Variants in CFAP70 observed in about 807,000 individuals in gnomAD.
The protein encoded by CFAP70 is cilia- and flagella-associated protein 70.
CFAP70 carries 81 observed loss-of-function variants against 137.6 expected under a neutral mutation model. That is an observed-to-expected ratio of 0.59 (90% CI 0.49 to 0.71). The LOEUF (loss-of-function observed/expected upper bound fraction) is 0.71, where lower values mean the gene tolerates loss of function less well. Ranked by LOEUF, CFAP70 falls within the 30% of genes least tolerant of loss-of-function variation. The pLI is 0.00. For missense variants in CFAP70, 976 were observed against 1,226.7 expected (o/e 0.80, Z 3.05); for synonymous variants, 382 against 423.6 (o/e 0.90, Z 1.20).
intron 12 of CFAP70, among the ~76,000 whole-genome samples, chr10:73,304,500 T>C (rs1000026344): frequency 2.6e-5 from 4 of 152,232 alleles, no homozygotes; most frequent in Admixed American, 6.5e-5. Context: ...TTAATAATTA[T>C]GTGTAAAAAT....
At chr10:73,325,453 A>G (rs1429423590) in intron 8 of CFAP70, among the ~76,000 whole-genome samples, 2 of 152,222 alleles carry the variant, frequency 1.3e-5, no homozygotes, top group Non-Finnish European at 2.9e-5. Context: ...ACCAGCTAAC[A>G]TCATAATGAC....
intron 9 of CFAP70, among the ~76,000 whole-genome samples, chr10:73,313,181 G>A (rs984524760): frequency 1.3e-5 from 2 of 151,612 alleles, no homozygotes; most frequent in African/African-American, 4.8e-5. Context: ...GATTATCCTG[G>A]CTAACACGGT....
At chr10:73,258,148 T>C (rs1164883683) in intron 25 of CFAP70, among the ~76,000 whole-genome samples, 1 of 152,234 alleles carries the variant, frequency 6.6e-6, no homozygotes, top group African/African-American at 2.4e-5. Context: ...AAAGTGGTTA[T>C]GCCAATTTAC....
At chr10:73,272,137 C>T (rs1465873721) in intron 24 of CFAP70, among the ~76,000 whole-genome samples, 1 of 152,118 alleles carries the variant, frequency 6.6e-6, no homozygotes, top group African/African-American at 2.4e-5. Flanking sequence ...GAGTTCAAAA[C>T]CAGCCTGGTC....
At chr10:73,326,069 T>C (rs1209605493) in intron 8 of CFAP70, among the ~76,000 whole-genome samples, 2 of 151,876 alleles carry the variant, frequency 1.3e-5, no homozygotes, top group Admixed American at 1.3e-4. Context: ...TATTCCAAAA[T>C]TGACCACATA....
chr10:73,334,119 G>A (rs1335924188), intron 7 of CFAP70, among the ~76,000 whole-genome samples: 2 of 152,078 alleles, frequency 1.3e-5, no homozygotes, highest in Non-Finnish European at 2.9e-5. Context: ...CATTCATATT[G>A]TATATATATT....
chr10:73,321,297 A>G (rs1370683382), intron 9 of CFAP70, among the ~76,000 whole-genome samples: 1 of 152,134 alleles, frequency 6.6e-6, no homozygotes, highest in Non-Finnish European at 1.5e-5. Context: ...ATGCACCTGT[A>G]ATCCCAGCTA....
At chr10:73,296,253 A>G (rs2048537871) in intron 15 of CFAP70, 1 of 152,162 alleles carries the variant, frequency 6.6e-6, no homozygotes, top group Non-Finnish European at 1.5e-5. Context: ...TCTTTTTCTC[A>G]TGCTCCACTC....
At chr10:73,324,022 C>T (rs59769988) in intron 8 of CFAP70, among the ~76,000 whole-genome samples, 13 of 152,254 alleles carry the variant, frequency 8.5e-5, no homozygotes, top group Admixed American at 3.9e-4. Context: ...AGAACGGGCA[C>T]ACTGCCTCTT....
At chr10:73,320,346 A>G (rs889734162) in intron 9 of CFAP70, among the ~76,000 whole-genome samples, 3 of 151,404 alleles carry the variant, frequency 2.0e-5, no homozygotes, top group African/African-American at 7.3e-5. Context: ...TTTTTTTGAG[A>G]CAAGGTCTCA....
chr10:73,357,788 C>T (rs1310798037), intron 1 of CFAP70, among the ~76,000 whole-genome samples: 3 of 152,192 alleles, frequency 2.0e-5, no homozygotes, highest in Non-Finnish European at 4.4e-5. Flanking sequence ...TCCCTTTCTC[C>T]TCACTCCGTC....
At chr10:73,288,280 A>T (rs1389902768) in intron 19 of CFAP70, among the ~76,000 whole-genome samples, 3 of 152,198 alleles carry the variant, frequency 2.0e-5, no homozygotes, top group Non-Finnish European at 4.4e-5. Flanking sequence ...CAGAATACTA[A>T]GTTTTCTGAA....
chr10:73,326,697 T>A (rs1006621760), intron 8 of CFAP70, among the ~76,000 whole-genome samples: 9 of 152,002 alleles, frequency 5.9e-5, no homozygotes, highest in Non-Finnish European at 8.8e-5. Flanking sequence ...CATCAGAGAA[T>A]AGGATGAACA....
chr10:73,263,150 G>A (rs149748895), intron 25 of CFAP70, among the ~76,000 whole-genome samples: 2 of 152,142 alleles, frequency 1.3e-5, no homozygotes, highest in Admixed American at 1.3e-4. Context: ...CACCCAGACT[G>A]GAGTGTAGTG....
chr10:73,351,071 G>GTATATATA lies in CFAP70; in HGVS notation c.250+2477_250+2484dup, dbSNP rs1158760266. 2.7e-3 allele frequency among the ~76,000 whole-genome samples: 85 copies of GTATATATA among 31,366 alleles called. 1 individual carries two copies. Among genetic ancestry groups the GTATATATA allele is most frequent in the Non-Finnish European group, 4.1e-3 (61 of 14,884 alleles). 20.6% of individuals were successfully genotyped at this position (31,366 alleles called of 152,430 possible). On this transcript the variant is annotated intron_variant, in intron 3 of 26. Coordinates refer to ENST00000310715, the Ensembl canonical transcript of CFAP70. ...TGTGTGTGTGTGTGTGTGTGTGTGT[G>GTATATATA]TATATATATATATATATATATATAT...
chr10:73,330,754 G>A lies in CFAP70; in HGVS notation c.777+423C>T, dbSNP rs11000610. 5.5e-4 allele frequency among the ~76,000 whole-genome samples: 84 copies of A among 152,130 alleles called. 1 individual carries two copies. The East Asian group carries it at 0.014, about 25-fold the overall frequency. On this transcript the variant is annotated intron_variant, in intron 8 of 26. Transcript: ENST00000310715. ...CCAGACATGCACAGGTAAAACAATA[G>A]ATAATATGTACTAGGCTCATCAAAG... is the stretch of plus-strand genomic sequence containing the variant.
chr10:73,354,634 A>G, intron 2 of CFAP70, 100 bp downstream of exon 2: 1 of 912,672 alleles, frequency 1.1e-6, no homozygotes, highest in Non-Finnish European at 1.8e-6. Flanking sequence ...CTGCTACATA[A>G]AGCCAGGAGG....
Position 73,332,754 on chromosome 10 carries a change from T to C in CFAP70, c.678-1478A>G, listed in dbSNP as rs559929276. ...CTGAAGCCTCTGGCACTTACAACTA[T>C]AGCAAACAAGAAACACAACCCAGCT... is the stretch of plus-strand genomic sequence containing the variant. On this transcript the variant is annotated intron_variant, in intron 7 of 26. Coordinates refer to ENST00000310715, the Ensembl canonical transcript of CFAP70. Among the ~76,000 whole-genome samples, 4 of 152,210 alleles carry C rather than the reference T, an allele frequency of 2.6e-5. No homozygotes were observed. The South Asian group carries it at 8.3e-4, about 32-fold the overall frequency.
chr10:73,312,709 A>AT (rs769095968), intron 9 of CFAP70, 66 bp from the exon 11 acceptor site: 1,003 of 1,345,524 alleles, frequency 7.5e-4, no homozygotes, highest in Admixed American at 1.2e-3. Context: ...AATACACATT[A>AT]TTTTTTTTTA....
Sources: gnomAD v4.1 joint callset for allele counts (sites outside exome capture counted in the v4.1 genomes callset) on GRCh38, gnomAD v4.1.1 for gene constraint, MANE v1.5 for transcripts, NCBI Gene and HGNC (gene_info 2026-07-23, HGNC 2026-07-21) for gene names.